TM4SF1: variants seen among roughly 807,000 people sequenced by gnomAD.
TM4SF1 encodes the protein transmembrane 4 L six family member 1.
In TM4SF1, 20 loss-of-function variants were observed where a neutral mutation model predicts 24.5. The observed-to-expected ratio is 0.82, with a 90% confidence interval of 0.57 to 1.19. The LOEUF (loss-of-function observed/expected upper bound fraction) is 1.19. TM4SF1 is among the 50% of genes most tolerant of loss of function. The pLI is 0.00. For synonymous variants in TM4SF1, 107 were observed against 95.4 expected (o/e 1.12, Z -0.71); for missense variants, 258 against 248.1 (o/e 1.04, Z -0.27).
At position 149,377,539 on chromosome 3, in the gene TM4SF1, A is replaced by G. The variant is rs777018001; in HGVS notation, c.9T>C (p.Tyr3=). Residue 3 remains tyrosine (Y), a synonymous_variant, in exon 1 of 5, where the codon TAT becomes TAC. Coordinates refer to ENST00000305366, the MANE Select transcript of TM4SF1 (RefSeq NM_014220.3). The part of the protein sequence containing the change: MC[Y]GKCARCIGHS... ...GTCCGATGCATCGTGCACACTTCCC[A>G]TAGCACATGGTGGTCTGCTAGGTTT... The G allele has an allele frequency of 4.0e-5, 65 of 1,612,750 alleles. No homozygotes were observed. The highest frequency in any genetic ancestry group is 5.3e-5 in the Non-Finnish European group (63 of 1,179,516).
chr3:149,372,431 A>T (rs1319111875), intron 3 of TM4SF1, among the ~76,000 whole-genome samples: 1 of 152,118 alleles, frequency 6.6e-6, no homozygotes, highest in Non-Finnish European at 1.5e-5. Context: ...ACTTTAAAAT[A>T]TTAATTTAGA....
intron 4 of TM4SF1, chr3:149,370,203 A>G: frequency 4.1e-6 from 1 of 244,000 alleles, no homozygotes; most frequent in Non-Finnish European, 7.8e-6. Flanking sequence ...TCACACTGGT[A>G]TGAGCTCAAT....
At chr3:149,370,317 A>G (rs943731556) in intron 4 of TM4SF1, 1 of 163,570 alleles carries the variant, frequency 6.1e-6, no homozygotes, top group African/African-American at 2.4e-5. Context: ...AACAAAGGTA[A>G]CAGATCTTCC....
chr3:149,377,254 G>T, intron 1 of TM4SF1, 117 bp downstream of exon 1: 2 of 1,298,764 alleles, frequency 1.5e-6, no homozygotes, highest in Non-Finnish European at 2.1e-6. Context: ...GGAATGAACA[G>T]CAACAAAAAA....
intron 3 of TM4SF1, among the ~76,000 whole-genome samples, chr3:149,372,519 A>G (rs1731849238): frequency 6.6e-6 from 1 of 152,150 alleles, no homozygotes; most frequent in African/African-American, 2.4e-5. Flanking sequence ...ATATGCTGGA[A>G]TTTTTCAACT....
At position 149,370,045 on chromosome 3, in the gene TM4SF1, C is replaced by A; in HGVS notation, c.595-165G>T. On this transcript the variant is annotated intron_variant, in intron 4 of 4. Coordinates refer to ENST00000305366, the MANE Select transcript of TM4SF1 (RefSeq NM_014220.3). ...CTTGGACAATGCTCACAAAATGTTT[C>A]CTAAACAAACCCAGATCCCTTGTCT... 10 of 771,168 alleles carry A rather than the reference C, an allele frequency of 1.3e-5. No homozygotes were observed. The South Asian group carries it at 2.0e-4, about 16-fold the overall frequency. 47.8% of individuals were successfully genotyped at this position (771,168 alleles called of 1,614,324 possible).
chr3:149,377,284 T>C, intron 1 of TM4SF1, 87 bp downstream of exon 1: 1 of 1,484,130 alleles, frequency 6.7e-7, no homozygotes, highest in African/African-American at 1.4e-5. Flanking sequence ...TTTAGAAATA[T>C]GCATTACAAA....
At chr3:149,371,955 G>GA (rs1364609311) in intron 3 of TM4SF1, 88 bp from the exon 4 acceptor site, 4 of 1,253,270 alleles carry the variant, frequency 3.2e-6, no homozygotes, top group Non-Finnish European at 2.2e-6. Flanking sequence ...TTTTCATTCA[G>GA]AAAAAAGGAA....
chr3:149,374,941 G>A (rs531748934), intron 3 of TM4SF1, among the ~76,000 whole-genome samples: 2 of 152,166 alleles, frequency 1.3e-5, no homozygotes, highest in African/African-American at 4.8e-5. Flanking sequence ...AGACTGCCTG[G>A]GTTCAAATGC....
chr3:149,377,296 A>C, intron 1 of TM4SF1, 75 bp downstream of exon 1: 1 of 1,523,264 alleles, frequency 6.6e-7, no homozygotes, highest in Non-Finnish European at 8.8e-7. Context: ...CATTACAAAA[A>C]ACTTTCCATG....
At chr3:149,376,576 T>C (rs1291083889) in intron 1 of TM4SF1, among the ~76,000 whole-genome samples, 2 of 152,214 alleles carry the variant, frequency 1.3e-5, no homozygotes, top group Non-Finnish European at 2.9e-5. Context: ...CCATAATCAG[T>C]GTATTAGGTT....
chr3:149,377,342 G>C (rs374252827), intron 1 of TM4SF1, 29 bp downstream of exon 1: 2 of 1,592,926 alleles, frequency 1.3e-6, no homozygotes, highest in Non-Finnish European at 8.5e-7. Context: ...AAACAGGAGA[G>C]AATTCAGTAA....
intron 3 of TM4SF1, among the ~76,000 whole-genome samples, chr3:149,373,572 A>G (rs1368096813): frequency 6.6e-6 from 1 of 152,198 alleles, no homozygotes; most frequent in African/African-American, 2.4e-5. Flanking sequence ...TGTTCATTTC[A>G]AAAAAAGTTC....
rs1206206012 is a variant in TM4SF1, at chr3:149,375,458, G to A, written c.398C>T (p.Ala133Val). The change falls in exon 3 of 5, where the codon GCC becomes GTC. Residue 133 changes from alanine (A) to valine (V), a missense_variant. By Grantham distance (64) the Ala-to-Val change is moderately conservative (BLOSUM62 0). Transcript: ENST00000305366. Reference protein sequence around the residue: ...DSLGQWNYTFASTEGQYLLDT... With the variant: ...DSLGQWNYTFVSTEGQYLLDT... ...AATTACATACTGGCCCTCAGTGCTG[G>A]CAAAGGTGTAGTTCCACTGGCCGAG... is the stretch of plus-strand genomic sequence containing the variant. The A allele has an allele frequency of 6.2e-7, 1 of 1,614,160 alleles. No homozygotes were observed. The highest frequency in any genetic ancestry group is 1.7e-5 in the Admixed American group (1 of 60,022).
In TM4SF1 at chr3:149,369,581, C is replaced by A; in HGVS notation, c.*285G>T. 1 of 335,030 alleles carries A rather than the reference C, an allele frequency of 3.0e-6. No individual in the cohort carries two copies. Among genetic ancestry groups the A allele is most frequent in the South Asian group, 4.5e-5 (1 of 22,322 alleles). 20.8% of individuals were successfully genotyped at this position (335,030 alleles called of 1,614,324 possible). On this transcript the variant is annotated 3_prime_UTR_variant, in exon 5 of 5. Coordinates refer to ENST00000305366, the MANE Select transcript of TM4SF1 (RefSeq NM_014220.3). ...TTATCCAAAACATTATAGAGTTTAT[C>A]TCAGATATACTGAGTACTGTCACTC... is the stretch of plus-strand genomic sequence containing the variant.
intron 4 of TM4SF1, chr3:149,370,808 T>C (rs1731804303): frequency 6.6e-6 from 1 of 152,170 alleles, no homozygotes; most frequent in Non-Finnish European, 1.5e-5. Flanking sequence ...TTTCATTAGG[T>C]TTTTGTCTTA....
chr3:149,375,277 C>T (rs978648058), intron 3 of TM4SF1, among the ~76,000 whole-genome samples, 166 bp downstream of exon 3: 2 of 152,124 alleles, frequency 1.3e-5, no homozygotes, highest in African/African-American at 4.8e-5. Context: ...ACTGGGGATC[C>T]ATCCTTGGAT....
chr3:149,375,029 T>C (rs978237223), intron 3 of TM4SF1, among the ~76,000 whole-genome samples: 1 of 152,110 alleles, frequency 6.6e-6, no homozygotes, highest in Non-Finnish European at 1.5e-5. Context: ...ATCTTTAAAA[T>C]AGGAAGTCAC....
Position 149,375,715 on chromosome 3 carries a change from A to G in TM4SF1, c.232T>C (p.Cys78Arg), listed in dbSNP as rs766469902. 6.8e-6 allele frequency: 11 copies of G among 1,614,246 alleles called. No homozygotes were observed. The highest frequency in any genetic ancestry group is 9.3e-6 in the Non-Finnish European group (11 of 1,180,038). ...TTGCCACAGTTTTCATGGCCACAGCAGCCACAGCAGTCATCCTGTTCCAGC... is the reference window on the plus strand; with the variant it reads ...TTGCCACAGTTTTCATGGCCACAGCGGCCACAGCAGTCATCCTGTTCCAGC... ...IGLEQDDCCG[C>R]CGHENCGKRC... Residue 78 changes from cysteine (C) to arginine (R), a missense_variant, in exon 2 of 5, where the codon TGC (cysteine) becomes CGC (arginine). Transcript: ENST00000305366.
Sources: gnomAD v4.1 joint callset for allele counts (sites outside exome capture counted in the v4.1 genomes callset) on GRCh38, gnomAD v4.1.1 for gene constraint, MANE v1.5 for transcripts, NCBI Gene and HGNC (gene_info 2026-07-23, HGNC 2026-07-21) for gene names.